Variants in MYOZ1 observed in about 807,000 individuals in gnomAD.
MYOZ1 encodes myozenin-1.
In MYOZ1, 20 loss-of-function variants were observed where a neutral mutation model predicts 28.7. That is an observed-to-expected ratio of 0.70 (90% CI 0.49 to 1.01). The LOEUF (loss-of-function observed/expected upper bound fraction) is 1.01. MYOZ1 is among the 50% of genes least tolerant of loss of function. MYOZ1 has a pLI of 0.00. For missense variants in MYOZ1, 371 were observed against 372.4 expected, an observed-to-expected ratio of 1.00 and a Z score of 0.03; for synonymous variants, 144 against 145.8, an observed-to-expected ratio of 0.99 and a Z score of 0.09.
Position 73,633,912 on chromosome 10 carries a change from T to C in MYOZ1, c.656A>G (p.Lys219Arg). Residue 219 changes from lysine (K) to arginine (R), a missense_variant, in exon 5 of 6, where the codon AAG becomes AGG. By Grantham distance (26) the Lys-to-Arg change is conservative. Transcript: ENST00000359322. The stretch of plus-strand genomic sequence containing the variant: ...TCACCACCCCTACCTGTTGAAGGAC[T>C]TATATTTGGGAAGTTCAGCTTTGGC... ...YGAKAELPKY[K>R]SFNRTAMPYG... The C allele has an allele frequency of 6.2e-7, 1 of 1,610,110 alleles. No homozygotes were observed. Among genetic ancestry groups the C allele is most frequent in the Non-Finnish European group, 8.5e-7 (1 of 1,178,248 alleles).
chr10:73,637,646 G>A (rs2081675125), intron 3 of MYOZ1, 98 bp downstream of exon 3: 12 of 1,174,792 alleles, frequency 1.0e-5, no homozygotes, highest in South Asian at 1.6e-5. Flanking sequence ...AAATTTTCAG[G>A]GAGGGGATGT....
chr10:73,641,138 G>A (rs572344793), intron 1 of MYOZ1, among the ~76,000 whole-genome samples: 1 of 152,284 alleles, frequency 6.6e-6, no homozygotes, highest in East Asian at 1.9e-4. Flanking sequence ...TCTAAGTCCT[G>A]TCTCAAAAAA....
Position 73,631,990 on chromosome 10 carries a change from C to G in MYOZ1, c.840G>C (p.Glu280Asp). Residue 280 changes from glutamate to aspartate, a missense_variant, in exon 6 of 6, where the codon GAG becomes GAC. Physicochemically the swap from Glu to Asp is conservative, Grantham distance 45 (BLOSUM62 2). Transcript: ENST00000359322. ...CAATATCCACGTTGTAGTCTACAGG[C>G]TCCCCAGAGCTCAGCCAGGGAATAG... Reference protein sequence around the residue: ...RTPIPWLSSGEPVDYNVDIGI... With the variant: ...RTPIPWLSSGDPVDYNVDIGI... 6.2e-7 allele frequency: 1 copy of G among 1,614,076 alleles called. No individual in the cohort carries two copies. The highest frequency in any genetic ancestry group is 1.7e-4 in the Middle Eastern group (1 of 6,054).
rs539969263 is a variant in MYOZ1 at position 73,632,950 on chromosome 10, C to T, written c.669-789G>A. Among the ~76,000 whole-genome samples the T allele has an allele frequency of 7.2e-5, 11 of 152,278 alleles. No homozygotes were observed. The South Asian group carries it at 1.0e-3, about 14-fold the overall frequency. ...TTCCCTATCCTTTCACACAGACCTC[C>T]TCTCCATGGGCTAGAGAAGCCTAAT... On this transcript the variant is annotated intron_variant, in intron 5 of 5. Transcript: ENST00000359322.
intron 2 of MYOZ1, 101 bp from the exon 3 acceptor site, chr10:73,638,023 C>T: frequency 9.2e-7 from 1 of 1,091,366 alleles, no homozygotes. Context: ...GTATGTGTGT[C>T]CTGGCAGAGG....
At chr10:73,632,853 G>A (rs2081643156) in intron 5 of MYOZ1, among the ~76,000 whole-genome samples, 1 of 151,884 alleles carries the variant, frequency 6.6e-6, no homozygotes, top group Non-Finnish European at 1.5e-5. Flanking sequence ...GGATAGCCTG[G>A]CTAAGAGTAA....
intron 4 of MYOZ1, 78 bp from the exon 5 acceptor site, chr10:73,634,143 C>T: frequency 6.6e-7 from 1 of 1,522,908 alleles, no homozygotes; most frequent in Non-Finnish European, 9.0e-7. Flanking sequence ...CGCCCCTACA[C>T]TAGGGAAATT....
At chr10:73,635,593 AG>A (rs1216752577) in intron 3 of MYOZ1, among the ~76,000 whole-genome samples, 2 of 151,536 alleles carry the variant, frequency 1.3e-5, no homozygotes, top group African/African-American at 4.9e-5. Flanking sequence ...CCATGTGCCC[AG>A]GCTGGTCTCA....
Position 73,631,875 on chromosome 10 carries a change from C to T in MYOZ1, c.*55G>A. The T allele has an allele frequency of 1.3e-6, 2 of 1,482,330 alleles. No individual in the cohort carries two copies. Among genetic ancestry groups the T allele is most frequent in the Non-Finnish European group, 1.9e-6 (2 of 1,063,692 alleles). The allele number at this position is 1,482,330 out of a possible 1,614,324, so 91.8% of individuals were successfully genotyped here. On this transcript the variant is annotated 3_prime_UTR_variant, in exon 6 of 6. Coordinates refer to ENST00000359322, the MANE Select transcript of MYOZ1 (RefSeq NM_021245.4). ...ATGGGGGCTATCTGCTCAGCATTCC[C>T]TCTCCAAATTGGAGCCAGAGAGGGG...
In MYOZ1 at chr10:73,634,934, G is replaced by T. The variant is rs372886778; in HGVS notation, c.253-201C>A. Among the ~76,000 whole-genome samples, 767 of 151,946 alleles carry T rather than the reference G, an allele frequency of 5.0e-3. 6 individuals carry two copies. The highest frequency in any genetic ancestry group is 0.017 in the African/African-American group (714 of 41,434). On this transcript the variant is annotated intron_variant, in intron 3 of 5. Transcript: ENST00000359322. ...CTTTTTGTTTGTTTGATTTTTTGTG[G>T]TTTTTTTTAGACAGAGTTTCGCCCT...
intron 2 of MYOZ1, among the ~76,000 whole-genome samples, chr10:73,639,178 A>T (rs1482120739): frequency 6.6e-6 from 1 of 151,826 alleles, no homozygotes; most frequent in Non-Finnish European, 1.5e-5. Context: ...GCTGGAGGGT[A>T]GCGTCGCAAT....
intron 2 of MYOZ1, among the ~76,000 whole-genome samples, chr10:73,639,374 G>A (rs2081689539): frequency 6.6e-6 from 1 of 151,756 alleles, no homozygotes; most frequent in Non-Finnish European, 1.5e-5. Context: ...CACCAGCCTT[G>A]GCCTCCCAAA....
chr10:73,636,694 A>C (rs1041074573), intron 3 of MYOZ1, among the ~76,000 whole-genome samples: 4 of 151,912 alleles, frequency 2.6e-5, no homozygotes, highest in African/African-American at 9.7e-5. Context: ...GGACTCAAGC[A>C]GTCCTCTTGC....
At chr10:73,639,684 A>G (rs1271106256) in intron 2 of MYOZ1, among the ~76,000 whole-genome samples, 1 of 152,202 alleles carries the variant, frequency 6.6e-6, no homozygotes, top group Non-Finnish European at 1.5e-5. Context: ...TCACTGACTC[A>G]TGGGTCCTGT....
rs2081639800 is a variant in MYOZ1, at chr10:73,632,303, A to T, written c.669-142T>A. On this transcript the variant is annotated intron_variant, in intron 5 of 5. Transcript: ENST00000359322. ...TCTGTACTCCTTCTTCTTCCTTAGCATCCCATTTTGCCTTCCTGGTTAGCT... is the reference window on the plus strand; with the variant it reads ...TCTGTACTCCTTCTTCTTCCTTAGCTTCCCATTTTGCCTTCCTGGTTAGCT... 1.8e-5 allele frequency: 14 copies of T among 762,042 alleles called. No homozygotes were observed. The East Asian group carries it at 3.8e-4, about 21-fold the overall frequency. The allele number at this position is 762,042 out of a possible 1,614,324, so 47.2% of individuals were successfully genotyped here.
intron 4 of MYOZ1, 109 bp from the exon 5 acceptor site, chr10:73,634,174 A>G (rs762480837): frequency 5.6e-6 from 7 of 1,249,036 alleles, no homozygotes; most frequent in Non-Finnish European, 7.9e-6. Context: ...GGGACTAAAG[A>G]TATAATATCC....
rs1589446468 is a variant in MYOZ1 at position 73,637,609 on chromosome 10, A to G, written c.252+135T>C. 2.5e-5 allele frequency: 22 copies of G among 873,446 alleles called. No individual in the cohort carries two copies. The East Asian group carries it at 5.1e-4, about 20-fold the overall frequency. The allele number at this position is 873,446 out of a possible 1,614,324, so 54.1% of individuals were successfully genotyped here. On this transcript the variant is annotated intron_variant, in intron 3 of 5. Transcript: ENST00000359322. Reference sequence around the variant, plus strand: ...TCACCCTGGAGCTGTTGCGGGCTCAATATATCTGGGGGTTTAACAAATTTA... The same window carrying G: ...TCACCCTGGAGCTGTTGCGGGCTCAGTATATCTGGGGGTTTAACAAATTTA...
intron 4 of MYOZ1, 135 bp from the exon 5 acceptor site, chr10:73,634,200 G>A: frequency 2.6e-6 from 3 of 1,134,070 alleles, no homozygotes; most frequent in Non-Finnish European, 3.7e-6. Flanking sequence ...ATTGTATAAG[G>A]TTTGTGGCAT....
At chr10:73,637,221 G>A (rs1232107762) in intron 3 of MYOZ1, among the ~76,000 whole-genome samples, 1 of 151,044 alleles carries the variant, frequency 6.6e-6, no homozygotes, top group East Asian at 2.0e-4. Flanking sequence ...CACCATGTTG[G>A]CCAGGCTGGT....
Sources: allele counts gnomAD v4.1 joint callset (sites outside exome capture counted in the v4.1 genomes callset), GRCh38; gene constraint gnomAD v4.1.1; transcripts MANE v1.5; gene names NCBI Gene and HGNC (gene_info 2026-07-23, HGNC 2026-07-21).